The following SPMIP2 variants were observed in gnomAD, a reference collection of about 807,000 sequenced individuals.
SPMIP2 encodes the protein protein SPMIP2.
the SPMIP2 span, chr4:158,915,230 C>CT: frequency 6.2e-7 from 1 of 1,613,688 alleles, no homozygotes. Flanking sequence ...GCAATGATGA[C>CT]TTACACTGCC....
the SPMIP2 span, among the ~76,000 whole-genome samples, chr4:158,926,730 CT>C: frequency 6.6e-6 from 1 of 152,086 alleles, no homozygotes; most frequent in Non-Finnish European, 1.5e-5. Context: ...GATTTTCTGC[CT>C]AGTTGTTCTA....
chr4:159,069,055 C>A, the SPMIP2 span, among the ~76,000 whole-genome samples: 3 of 152,158 alleles, frequency 2.0e-5, no homozygotes, highest in Non-Finnish European at 4.4e-5. Flanking sequence ...ATAATCCCAG[C>A]ACTTTGGGAG....
At chr4:159,008,384 C>T in the SPMIP2 span, among the ~76,000 whole-genome samples, 1 of 152,156 alleles carries the variant, frequency 6.6e-6, no homozygotes, top group Non-Finnish European at 1.5e-5. Flanking sequence ...ACCAGCCTGA[C>T]CAACATGGTG....
At chr4:158,960,492 G>C in the SPMIP2 span, 4 of 526,144 alleles carry the variant, frequency 7.6e-6, no homozygotes, top group Non-Finnish European at 1.0e-5. Context: ...CAGAGAAGAA[G>C]ACAGGCTTTT....
the SPMIP2 span, among the ~76,000 whole-genome samples, chr4:158,998,428 T>G: frequency 2.0e-5 from 3 of 152,258 alleles, no homozygotes; most frequent in Non-Finnish European, 4.4e-5. Context: ...AGTATTTCAT[T>G]TAAGTGGACT....
At chr4:159,072,960 G>A in the SPMIP2 span, among the ~76,000 whole-genome samples, 1 of 152,032 alleles carries the variant, frequency 6.6e-6, no homozygotes, top group South Asian at 2.1e-4. Context: ...CTTTTCAAAG[G>A]TTTTGTTAGT....
the SPMIP2 span, among the ~76,000 whole-genome samples, chr4:158,934,835 C>A: frequency 6.6e-6 from 1 of 152,152 alleles, no homozygotes; most frequent in Non-Finnish European, 1.5e-5. Context: ...TATCTCACCA[C>A]CCCCAGCTCT....
At chr4:159,027,020 A>T in the SPMIP2 span, among the ~76,000 whole-genome samples, 1 of 151,568 alleles carries the variant, frequency 6.6e-6, no homozygotes, top group Non-Finnish European at 1.5e-5. Context: ...TTTTTTCTGC[A>T]AATTACACTG....
At chr4:158,973,852 G>A in the SPMIP2 span, among the ~76,000 whole-genome samples, 1 of 151,960 alleles carries the variant, frequency 6.6e-6, no homozygotes. Flanking sequence ...CAGGCATGGT[G>A]GCACACACCT....
At chr4:158,992,094 C>T in the SPMIP2 span, among the ~76,000 whole-genome samples, 10 of 152,234 alleles carry the variant, frequency 6.6e-5, no homozygotes, top group South Asian at 1.9e-3. Context: ...AGTCTTATTG[C>T]CCAGGCTGGT....
chr4:159,052,747 C>A, the SPMIP2 span, among the ~76,000 whole-genome samples: 2 of 151,064 alleles, frequency 1.3e-5, no homozygotes, highest in African/African-American at 2.4e-5. Flanking sequence ...CATTCTCCTG[C>A]CTCAGCCTCC....
the SPMIP2 span, among the ~76,000 whole-genome samples, chr4:158,960,585 G>A: frequency 6.6e-6 from 1 of 152,124 alleles, no homozygotes; most frequent in Non-Finnish European, 1.5e-5. Flanking sequence ...TTGAAAGGAG[G>A]GTGCTGGGTA....
the SPMIP2 span, among the ~76,000 whole-genome samples, chr4:158,986,150 G>A: frequency 5.3e-5 from 8 of 151,340 alleles, no homozygotes; most frequent in Non-Finnish European, 1.0e-4. Context: ...CAAACAAATG[G>A]AAGAACATTC....
At chr4:159,067,884 A>G in the SPMIP2 span, among the ~76,000 whole-genome samples, 1 of 152,364 alleles carries the variant, frequency 6.6e-6, no homozygotes, top group East Asian at 1.9e-4. Flanking sequence ...GAAGACATTT[A>G]TGCAGCCAAA....
the SPMIP2 span, among the ~76,000 whole-genome samples, chr4:159,009,638 G>C: frequency 2.6e-5 from 4 of 152,186 alleles, no homozygotes; most frequent in South Asian, 8.3e-4. Context: ...ATGTCCCCAT[G>C]TTTCCGTTGC....
the SPMIP2 span, among the ~76,000 whole-genome samples, chr4:159,048,076 G>A: frequency 1.7e-3 from 258 of 152,300 alleles, 1 homozygote; most frequent in African/African-American, 5.9e-3. Flanking sequence ...GCGATGTTTT[G>A]CAGTCTGTAA....
chr4:159,000,794 C>T, the SPMIP2 span, among the ~76,000 whole-genome samples: 1 of 148,340 alleles, frequency 6.7e-6, no homozygotes, highest in Admixed American at 6.7e-5. Context: ...GCTTGTCTGG[C>T]TCCCTACACT....
At chr4:158,902,748 C>T in the SPMIP2 span, among the ~76,000 whole-genome samples, 4 of 152,230 alleles carry the variant, frequency 2.6e-5, no homozygotes, top group African/African-American at 4.8e-5. Context: ...CAGTGGGCTC[C>T]GCCCAGTTTG....
the SPMIP2 span, chr4:158,905,734 A>C: frequency 6.6e-6 from 1 of 152,252 alleles, no homozygotes; most frequent in South Asian, 2.1e-4. Context: ...TGTTAATATA[A>C]AAGAAACTTC....
Sources: allele counts gnomAD v4.1 joint callset (sites outside exome capture counted in the v4.1 genomes callset), GRCh38; gene constraint gnomAD v4.1.1; transcripts MANE v1.5; gene names NCBI Gene and HGNC (gene_info 2026-07-23, HGNC 2026-07-21).